The following UBAP2 variants were observed in gnomAD, a reference collection of about 807,000 sequenced individuals.
UBAP2 encodes the protein ubiquitin associated protein 2, also known as ubiquitin-associated protein 2.
In UBAP2, 75 loss-of-function variants were observed where a neutral mutation model predicts 139.6. That is an observed-to-expected ratio of 0.54 (90% CI 0.45 to 0.65). The LOEUF (loss-of-function observed/expected upper bound fraction) is 0.65. Among genes scored for constraint, UBAP2 ranks in the 30% least tolerant of loss-of-function variants. The probability of loss-of-function intolerance (pLI) is 0.00; values close to 1 mark genes in which losing one functional copy is unlikely to be tolerated. For missense variants in UBAP2, 1,368 were observed against 1,369.6 expected, an observed-to-expected ratio of 1.00 and a Z score of 0.02; for synonymous variants, 526 against 526.2, an observed-to-expected ratio of 1.00 and a Z score of 0.01.
At chr9:33,971,576 T>C in intron 8 of UBAP2, 75 bp downstream of exon 8, 2 of 874,722 alleles carry the variant, frequency 2.3e-6, no homozygotes, top group East Asian at 2.4e-5. Context: ...TTAGACTTCA[T>C]CTTTGTATGA....
chr9:34,005,214 G>C (rs142184006), intron 2 of UBAP2, among the ~76,000 whole-genome samples: 2 of 149,330 alleles, frequency 1.3e-5, no homozygotes, highest in African/African-American at 4.9e-5. Flanking sequence ...AGTGAGCTGA[G>C]ATCTCACCAC....
At chr9:33,953,211 TG>T in intron 12 of UBAP2, 73 bp downstream of exon 12, 2 of 1,333,636 alleles carry the variant, frequency 1.5e-6, no homozygotes, top group Middle Eastern at 3.8e-4. Flanking sequence ...TTATAAAGCA[TG>T]TATCATATTC....
At chr9:33,985,417 CT>C (rs1189077124) in intron 6 of UBAP2, among the ~76,000 whole-genome samples, 3 of 152,166 alleles carry the variant, frequency 2.0e-5, no homozygotes, top group African/African-American at 7.2e-5. Flanking sequence ...GAGAATCAAC[CT>C]AAGTGTTCAT....
At chr9:33,944,923 C>T (rs1019329586) in intron 13 of UBAP2, among the ~76,000 whole-genome samples, 4 of 152,142 alleles carry the variant, frequency 2.6e-5, no homozygotes, top group African/African-American at 9.7e-5. Context: ...TGACCATTAG[C>T]TAACAGAGAA....
chr9:34,022,246 A>AAAAAAT (rs1268019205), intron 1 of UBAP2, among the ~76,000 whole-genome samples: 2 of 151,916 alleles, frequency 1.3e-5, no homozygotes, highest in African/African-American at 4.8e-5. Flanking sequence ...ACACCATCTA[A>AAAAAAT]AAAAATAAAA....
At chr9:33,950,194 T>C (rs1359922793) in intron 12 of UBAP2, among the ~76,000 whole-genome samples, 2 of 151,742 alleles carry the variant, frequency 1.3e-5, no homozygotes, top group East Asian at 3.9e-4. Flanking sequence ...GCCTCCCGAG[T>C]AGCTGGGACT....
At chr9:34,035,150 TCTC>T (rs1231724342) in intron 1 of UBAP2, among the ~76,000 whole-genome samples, 1 of 152,002 alleles carries the variant, frequency 6.6e-6, no homozygotes, top group African/African-American at 2.4e-5. Flanking sequence ...TCACCACTGG[TCTC>T]CTAATTGTCA....
chr9:34,020,837 T>A (rs1432067532), intron 1 of UBAP2, among the ~76,000 whole-genome samples: 1 of 151,680 alleles, frequency 6.6e-6, no homozygotes, highest in East Asian at 1.9e-4. Context: ...TTTTTTTGTA[T>A]TTTTTTAGTA....
rs1331875460 is a variant in UBAP2, at chr9:34,039,375, G to A, written c.-42+9450C>T. ...GTGTACCCAACTGCTCATTGAGAAC[G>A]GGCCATGATGACGATGGCGGTTTTG... On this transcript the variant is annotated intron_variant, in intron 1 of 28. Coordinates refer to ENST00000379238, the MANE Select transcript of UBAP2 (RefSeq NM_001370062.2). Among the ~76,000 whole-genome samples, 14 of 152,198 alleles carry A rather than the reference G, an allele frequency of 9.2e-5. No individual in the cohort carries two copies. The East Asian group carries it at 1.3e-3, about 15-fold the overall frequency.
intron 13 of UBAP2, among the ~76,000 whole-genome samples, chr9:33,945,204 A>C (rs1825562938): frequency 6.6e-6 from 1 of 152,068 alleles, no homozygotes; most frequent in African/African-American, 2.4e-5. Flanking sequence ...TGATGTTACA[A>C]AATCCAAAAG....
At chr9:33,963,681 T>C (rs1564033128) in intron 9 of UBAP2, 45 bp downstream of exon 9, 1 of 1,197,780 alleles carries the variant, frequency 8.3e-7, no homozygotes. Flanking sequence ...GCAAGCAATT[T>C]ATAAGATTCT....
In UBAP2 at chr9:33,981,302, GAT is replaced by G. The variant is rs138281383; in HGVS notation, c.520+5456_520+5457del. On this transcript the variant is annotated intron_variant, in intron 6 of 28. Transcript: ENST00000379238. ...ATTCTGGATATATATATATATTCTG[GAT>G]ATATATATATATCTAGAAATACAAA... 5.4e-3 allele frequency among the ~76,000 whole-genome samples: 227 copies of G among 42,276 alleles called. 37 individuals are homozygous for G. Among genetic ancestry groups the G allele is most frequent in the African/African-American group, 0.018 (146 of 8,294 alleles). The allele number at this position is 42,276 out of a possible 152,430, so 27.7% of individuals were successfully genotyped here.
At chr9:33,938,522 C>A (rs932137312) in intron 16 of UBAP2, among the ~76,000 whole-genome samples, 1 of 152,126 alleles carries the variant, frequency 6.6e-6, no homozygotes, top group Non-Finnish European at 1.5e-5. Flanking sequence ...ATTGGCCGGG[C>A]GTGGTGGCTC....
At chr9:34,045,113 C>T (rs1030196581) in intron 1 of UBAP2, among the ~76,000 whole-genome samples, 21 of 151,900 alleles carry the variant, frequency 1.4e-4, no homozygotes, top group African/African-American at 4.4e-4. Flanking sequence ...TTTGGGAGGC[C>T]GAGGCGGGCG....
chr9:34,028,106 G>A (rs1825567631), intron 1 of UBAP2, among the ~76,000 whole-genome samples: 1 of 151,808 alleles, frequency 6.6e-6, no homozygotes, highest in African/African-American at 2.4e-5. Flanking sequence ...GCAGCTGATG[G>A]ACAAGGTTGA....
chr9:34,019,724 C>CAT (rs397713883), intron 1 of UBAP2, among the ~76,000 whole-genome samples: 1 of 148,104 alleles, frequency 6.8e-6, no homozygotes, highest in East Asian at 1.9e-4. Flanking sequence ...CACACACACA[C>CAT]GCACAGAAAA....
intron 4 of UBAP2, among the ~76,000 whole-genome samples, chr9:33,993,891 GCTTT>G (rs1369082196): frequency 2.5e-5 from 3 of 120,226 alleles, no homozygotes; most frequent in African/African-American, 8.6e-5. Flanking sequence ...GTTCAGCTTT[GCTTT>G]CTTTTTTTTT....
chr9:34,043,145 T>C (rs910826456), intron 1 of UBAP2, among the ~76,000 whole-genome samples: 2 of 152,192 alleles, frequency 1.3e-5, no homozygotes, highest in African/African-American at 2.4e-5. Flanking sequence ...CATGTTTTTA[T>C]GCCTCATATA....
chr9:33,937,034 C>G (rs1387635301), intron 16 of UBAP2, among the ~76,000 whole-genome samples: 2 of 149,034 alleles, frequency 1.3e-5, no homozygotes, highest in Admixed American at 6.7e-5. Flanking sequence ...CTGGCCCAGA[C>G]AGCTGTACTG....
Sources: allele counts gnomAD v4.1 joint callset (sites outside exome capture counted in the v4.1 genomes callset), GRCh38; gene constraint gnomAD v4.1.1; transcripts MANE v1.5; gene names NCBI Gene and HGNC (gene_info 2026-07-23, HGNC 2026-07-21).